Variants in TEKT5 observed in about 807,000 individuals in gnomAD.
TEKT5 encodes tektin 5.
In TEKT5, 52 loss-of-function variants were observed where a neutral mutation model predicts 48.7. The observed-to-expected ratio is 1.07, with a 90% CI of 0.86 to 1.35. The LOEUF is 1.35. Ranked by LOEUF, TEKT5 falls within the 40% of genes most tolerant of loss-of-function variation. TEKT5 has a pLI of 0.00. For synonymous variants in TEKT5, 318 were observed against 267.6 expected, an observed-to-expected ratio of 1.19 and a Z score of -1.84; for missense variants, 831 against 641.6, an observed-to-expected ratio of 1.30 and a Z score of -3.19.
chr16:10,648,904 G>A (rs542767708), intron 5 of TEKT5, among the ~76,000 whole-genome samples: 1 of 152,278 alleles, frequency 6.6e-6, no homozygotes, highest in Non-Finnish European at 1.5e-5. Flanking sequence ...AAGTGCTGAT[G>A]GTTTTGCATT....
chr16:10,653,154 G>C (rs1264676624), intron 5 of TEKT5, among the ~76,000 whole-genome samples: 1 of 152,238 alleles, frequency 6.6e-6, no homozygotes, highest in Admixed American at 6.5e-5. Context: ...CCTAGTGGCT[G>C]GGCAAGGCTG....
At chr16:10,679,907 A>T (rs1475135157) in intron 4 of TEKT5, among the ~76,000 whole-genome samples, 1 of 152,118 alleles carries the variant, frequency 6.6e-6, no homozygotes, top group Non-Finnish European at 1.5e-5. Context: ...CAAATAAATA[A>T]ATAAATAAAT....
rs774414946 is a variant in TEKT5, at chr16:10,682,001, A to G, written c.855T>C (p.Ile285=). The stretch of plus-strand genomic sequence containing the variant: ...GGGAGTCTGATACTTACGTGCCGTC[A>G]ATTTTCTCCATGCCGTGGAAGAAGC... ...CISFFHGMEK[I]DGTISVPETW... is the part of the protein sequence containing the mutation. Residue 285 remains isoleucine (I), a synonymous_variant, in exon 4 of 7, where the codon ATT becomes ATC. Coordinates refer to ENST00000283025, the MANE Select transcript of TEKT5 (RefSeq NM_144674.2). 4 of 1,613,988 alleles carry G rather than the reference A, an allele frequency of 2.5e-6. 1 individual carries two copies. In the South Asian group the frequency reaches 4.4e-5, roughly 18 times the overall value.
chr16:10,656,599 C>T (rs1898266710), intron 5 of TEKT5, among the ~76,000 whole-genome samples: 1 of 152,070 alleles, frequency 6.6e-6, no homozygotes, highest in South Asian at 2.1e-4. Context: ...GAGGTAAGGC[C>T]TATAGAAGTG....
In TEKT5 at chr16:10,694,337, C is replaced by T. The variant is rs781417272; in HGVS notation, c.537G>A (p.Ala179=). 2.7e-5 allele frequency: 43 copies of T among 1,606,760 alleles called. No individual in the cohort carries two copies. The highest frequency in any genetic ancestry group is 1.6e-4 in the South Asian group (14 of 89,670). Residue 179 remains alanine (A), a synonymous_variant, in exon 1 of 7, where the codon GCG becomes GCA. Coordinates refer to ENST00000283025, the MANE Select transcript of TEKT5 (RefSeq NM_144674.2). ...GCAATGGGCAGTTCACCTCATTGGC[C>T]GCGCACTCCAGCCGCCTCTTGACCG... ...LETVKRRLEC[A]ANEVNCPLQV...
intron 5 of TEKT5, among the ~76,000 whole-genome samples, chr16:10,673,068 T>G (rs1369961866): frequency 6.6e-6 from 1 of 152,156 alleles, no homozygotes; most frequent in Non-Finnish European, 1.5e-5. Context: ...TATAGAGGAT[T>G]CATCATAACC....
intron 5 of TEKT5, among the ~76,000 whole-genome samples, chr16:10,643,250 A>T (rs1245714443): frequency 2.6e-5 from 4 of 151,898 alleles, no homozygotes; most frequent in Admixed American, 2.6e-4. Flanking sequence ...CTGGTAGCTG[A>T]TGTCTATAGT....
chr16:10,658,839 C>T (rs541120491), intron 5 of TEKT5, among the ~76,000 whole-genome samples: 3 of 152,060 alleles, frequency 2.0e-5, no homozygotes, highest in Non-Finnish European at 2.9e-5. Flanking sequence ...TACCTCAGTC[C>T]CCTGAGTACC....
At chr16:10,648,108 G>C (rs768704863) in intron 5 of TEKT5, among the ~76,000 whole-genome samples, 2 of 152,102 alleles carry the variant, frequency 1.3e-5, no homozygotes, top group African/African-American at 2.4e-5. Context: ...ACATGGGTGG[G>C]GGACAGGGCC....
At chr16:10,673,646 ATTTTT>A (rs60322821) in intron 5 of TEKT5, among the ~76,000 whole-genome samples, 231 of 105,736 alleles carry the variant, frequency 2.2e-3, no homozygotes, top group Middle Eastern at 0.011. Context: ...CACCCATTCT[ATTTTT>A]TTTTTTTTTT....
chr16:10,670,690 G>A (rs989051887), intron 5 of TEKT5, among the ~76,000 whole-genome samples: 7 of 152,102 alleles, frequency 4.6e-5, no homozygotes, highest in South Asian at 4.1e-4. Flanking sequence ...TGTCAATAGC[G>A]TAGGGTTGGA....
intron 5 of TEKT5, among the ~76,000 whole-genome samples, chr16:10,659,474 A>G (rs902714572): frequency 6.6e-6 from 1 of 151,984 alleles, no homozygotes; most frequent in African/African-American, 2.4e-5. Flanking sequence ...CTGCCTCCCG[A>G]GTTCACACCA....
intron 1 of TEKT5, chr16:10,690,835 G>A: frequency 1.0e-6 from 1 of 961,106 alleles, no homozygotes; most frequent in Non-Finnish European, 1.2e-6. Flanking sequence ...AGGAGCAGAA[G>A]GAAGCAGGAT....
Position 10,694,896 on chromosome 16 carries a change from G to A in TEKT5, c.-23C>T, listed in dbSNP as rs185989974. The stretch of plus-strand genomic sequence containing the variant: ...CATCCTCCCTCATGAGCCCCACTCG[G>A]GCAAAACTCAGCTCAAGGAGCCAAA... On this transcript the variant is annotated 5_prime_UTR_variant, in exon 1 of 7. Coordinates refer to ENST00000283025, the MANE Select transcript of TEKT5 (RefSeq NM_144674.2). The A allele has an allele frequency of 1.2e-5, 18 of 1,522,596 alleles. No homozygotes were observed. In the Admixed American group the frequency reaches 2.4e-4, roughly 20 times the overall value. 94.3% of individuals were successfully genotyped at this position (1,522,596 alleles called of 1,614,324 possible). A position where few individuals can be genotyped will look rare whatever the true frequency, so the allele number is the denominator to read the frequency against.
chr16:10,642,914 T>C (rs1297157970), intron 5 of TEKT5, among the ~76,000 whole-genome samples: 1 of 152,170 alleles, frequency 6.6e-6, no homozygotes, highest in East Asian at 1.9e-4. Flanking sequence ...TAAGTTCCAG[T>C]GTTTTATGCC....
chr16:10,652,274 A>G (rs1898170886), intron 5 of TEKT5, among the ~76,000 whole-genome samples: 1 of 152,098 alleles, frequency 6.6e-6, no homozygotes, highest in African/African-American at 2.4e-5. Flanking sequence ...CAAAGGTGGC[A>G]TGCCCAGCTC....
intron 1 of TEKT5, 56 bp downstream of exon 1, chr16:10,694,254 G>A (rs1404697667): frequency 6.7e-7 from 1 of 1,490,476 alleles, no homozygotes; most frequent in Non-Finnish European, 8.9e-7. Context: ...GAAGCAGAAT[G>A]AGCGTGCAGT....
Position 10,637,475 on chromosome 16 carries a change from G to C in TEKT5, c.1087-1557C>G, listed in dbSNP as rs1184320658. ...GGAGGAGGGGAGAGGGGAGAGGAAG[G>C]GAGGGAGAAAGGAAGGCAAGAAGGA... On this transcript the variant is annotated intron_variant, in intron 5 of 6. Transcript: ENST00000283025. Among the ~76,000 whole-genome samples, 3 of 145,892 alleles carry C rather than the reference G, an allele frequency of 2.1e-5. 1 individual carries two copies. The highest frequency in any genetic ancestry group is 4.5e-5 in the Non-Finnish European group (3 of 67,270).
chr16:10,677,807 C>T (rs1898674574), intron 4 of TEKT5, among the ~76,000 whole-genome samples: 1 of 133,372 alleles, frequency 7.5e-6, no homozygotes, highest in Non-Finnish European at 1.7e-5. Context: ...GCTGGTACCC[C>T]TCCTCCAGGC....
Sources: gnomAD v4.1 joint callset for allele counts (sites outside exome capture counted in the v4.1 genomes callset) on GRCh38, gnomAD v4.1.1 for gene constraint, MANE v1.5 for transcripts, NCBI Gene and HGNC (gene_info 2026-07-23, HGNC 2026-07-21) for gene names.